Variants in NUP155 observed in about 807,000 individuals in gnomAD.
NUP155 encodes nucleoporin 155.
Under a neutral mutation model 180.4 loss-of-function variants are expected in NUP155, and 71 were observed. The ratio of observed to expected loss-of-function variants is 0.39; its 90% CI spans 0.33 to 0.48. NUP155 has a LOEUF of 0.48. Among genes scored for constraint, NUP155 ranks in the 20% least tolerant of loss-of-function variants. The probability of loss-of-function intolerance (pLI) is 0.91; values close to 1 mark genes in which losing one functional copy is unlikely to be tolerated. For synonymous variants in NUP155, 582 were observed against 559.5 expected, an observed-to-expected ratio of 1.04 and a Z score of -0.57; for missense variants, 1,553 against 1,648.9, an observed-to-expected ratio of 0.94 and a Z score of 1.01.
chr5:37,297,903 A>G (rs930812427), intron 32 of NUP155, among the ~76,000 whole-genome samples: 2 of 150,366 alleles, frequency 1.3e-5, no homozygotes, highest in African/African-American at 4.9e-5. Flanking sequence ...TAAGTCAGAG[A>G]TGGTCTGTAA....
At chr5:37,325,541 G>A (rs1744537374) in intron 19 of NUP155, among the ~76,000 whole-genome samples, 1 of 152,114 alleles carries the variant, frequency 6.6e-6, no homozygotes, top group East Asian at 1.9e-4. Flanking sequence ...AGCCAAGGCA[G>A]GTGGTTTGCT....
chr5:37,366,322 T>A (rs1227235530), intron 1 of NUP155, among the ~76,000 whole-genome samples: 1 of 152,218 alleles, frequency 6.6e-6, no homozygotes, highest in Non-Finnish European at 1.5e-5. Context: ...TGGAAATTTT[T>A]AAAATATATA....
At chr5:37,342,064 G>T (rs979569349) in intron 10 of NUP155, among the ~76,000 whole-genome samples, 2 of 152,096 alleles carry the variant, frequency 1.3e-5, no homozygotes, top group Non-Finnish European at 1.5e-5. Flanking sequence ...TTTGAGAAAA[G>T]ATCTTGCCCT....
intron 33 of NUP155, among the ~76,000 whole-genome samples, chr5:37,293,868 G>A (rs889359102): frequency 3.6e-5 from 4 of 110,612 alleles, no homozygotes; most frequent in Admixed American, 2.4e-4. Context: ...GCGCGGTGGC[G>A]GGCGCCTGTA....
chr5:37,315,152 G>C (rs181867781), intron 21 of NUP155, among the ~76,000 whole-genome samples: 323 of 152,252 alleles, frequency 2.1e-3, no homozygotes, highest in African/African-American at 7.4e-3. Flanking sequence ...GAATCGCTTG[G>C]ACCTGGGAGG....
intron 34 of NUP155, 98 bp downstream of exon 34, chr5:37,292,779 TAC>T (rs1242348548): frequency 1.3e-6 from 1 of 760,972 alleles, no homozygotes; most frequent in African/African-American, 1.7e-5. Context: ...ATTGCTAATA[TAC>T]ACAAGAATCT....
intron 9 of NUP155, among the ~76,000 whole-genome samples, chr5:37,343,681 A>G (rs1745891376): frequency 6.6e-6 from 1 of 152,098 alleles, no homozygotes; most frequent in South Asian, 2.1e-4. Flanking sequence ...ACCTGAGGTC[A>G]AGAGTTCAAG....
chr5:37,291,801 G>C lies in NUP155; in HGVS notation c.*99C>G. On this transcript the variant is annotated 3_prime_UTR_variant, in exon 35 of 35. Transcript: ENST00000231498. Reference sequence around the variant, plus strand: ...CTTATTAAAAACATATTTCTATTAAGATTGTTCTTACATTCTTAGATTTAG... The same window carrying C: ...CTTATTAAAAACATATTTCTATTAACATTGTTCTTACATTCTTAGATTTAG... 13 of 1,088,514 alleles carry C rather than the reference G, an allele frequency of 1.2e-5. No homozygotes were observed. Among genetic ancestry groups the C allele is most frequent in the Non-Finnish European group, 1.8e-5 (13 of 714,478 alleles). The allele number at this position is 1,088,514 out of a possible 1,614,324, so 67.4% of individuals were successfully genotyped here. A position where few individuals can be genotyped will look rare whatever the true frequency, so the allele number is the denominator to read the frequency against.
intron 32 of NUP155, among the ~76,000 whole-genome samples, chr5:37,296,257 T>C (rs1056251138): frequency 2.3e-4 from 35 of 152,120 alleles, no homozygotes; most frequent in African/African-American, 7.5e-4. Flanking sequence ...GGGGAAAAGA[T>C]TGAGAAATCG....
At chr5:37,296,933 A>G (rs1249313020) in intron 32 of NUP155, among the ~76,000 whole-genome samples, 2 of 152,034 alleles carry the variant, frequency 1.3e-5, no homozygotes, top group Admixed American at 6.6e-5. Context: ...TCCCAGCACT[A>G]TGGGAGGCCA....
intron 21 of NUP155, 73 bp downstream of exon 21, chr5:37,317,915 C>T (rs1331177860): frequency 1.2e-6 from 1 of 845,798 alleles, no homozygotes; most frequent in African/African-American, 1.7e-5. Context: ...TAAGAAAGTC[C>T]ATTGTTTTCT....
At chr5:37,364,641 T>TTA (rs1359930594) in intron 1 of NUP155, among the ~76,000 whole-genome samples, 2 of 6,742 alleles carry the variant, frequency 3.0e-4, no homozygotes, top group Non-Finnish European at 5.3e-3. Flanking sequence ...TTTTATTTTA[T>TTA]TTTTTTTTTT....
Position 37,289,975 on chromosome 5 carries a change from G to C in NUP155, c.*1925C>G, listed in dbSNP as rs1742164706. 1 of 152,170 alleles carries C rather than the reference G, an allele frequency of 6.6e-6. No homozygotes were observed. The highest frequency in any genetic ancestry group is 1.9e-4 in the East Asian group (1 of 5,206). 9.4% of individuals were successfully genotyped at this position (152,170 alleles called of 1,614,324 possible). A position where few individuals can be genotyped will look rare whatever the true frequency, so the allele number is the denominator to read the frequency against. On this transcript the variant is annotated 3_prime_UTR_variant, in exon 35 of 35. Coordinates refer to ENST00000231498, the MANE Select transcript of NUP155 (RefSeq NM_153485.3). ...GAGGTAGTAGTACCCACTGAGTGAC[G>C]TTCTGGCATTCTATTAAATATTCTA...
chr5:37,294,257 T>C (rs1742396903), intron 33 of NUP155, 72 bp downstream of exon 33: 2 of 1,053,640 alleles, frequency 1.9e-6, no homozygotes, highest in African/African-American at 1.6e-5. Flanking sequence ...GCAATCAAAA[T>C]ACCCCACTCT....
At chr5:37,352,623 T>A (rs191308854) in intron 5 of NUP155, 114 bp downstream of exon 5, 139 of 725,908 alleles carry the variant, frequency 1.9e-4, no homozygotes, top group African/African-American at 1.8e-3. Flanking sequence ...GCAGTAATAA[T>A]CATTAATGTG....
chr5:37,359,186 A>G (rs1417963885), intron 3 of NUP155, among the ~76,000 whole-genome samples: 2 of 149,314 alleles, frequency 1.3e-5, no homozygotes, highest in African/African-American at 4.9e-5. Flanking sequence ...TTGAATATAT[A>G]AAAATATTTT....
intron 3 of NUP155, among the ~76,000 whole-genome samples, chr5:37,361,077 T>G (rs994614635): frequency 6.6e-6 from 1 of 151,930 alleles, no homozygotes; most frequent in Non-Finnish European, 1.5e-5. Context: ...AAGACCAGCC[T>G]AGTCAATATA....
At chr5:37,322,298 T>G (rs1474513074) in intron 20 of NUP155, among the ~76,000 whole-genome samples, 3 of 152,194 alleles carry the variant, frequency 2.0e-5, no homozygotes, top group Non-Finnish European at 4.4e-5. Context: ...ACATATGCTT[T>G]AAAAAGATTA....
At chr5:37,325,814 G>A (rs1744565976) in intron 19 of NUP155, 87 bp downstream of exon 19, 1 of 727,118 alleles carries the variant, frequency 1.4e-6, no homozygotes, top group Admixed American at 2.1e-5. Context: ...TCTTATTTGT[G>A]TAATATCAGG....
Sources: gnomAD v4.1 joint callset for allele counts (sites outside exome capture counted in the v4.1 genomes callset) on GRCh38, gnomAD v4.1.1 for gene constraint, MANE v1.5 for transcripts, NCBI Gene and HGNC (gene_info 2026-07-23, HGNC 2026-07-21) for gene names.